The following ROPN1L variants were observed in gnomAD, a reference collection of about 807,000 sequenced individuals.
The protein encoded by ROPN1L is ropporin-1-like protein.
In ROPN1L, 23 loss-of-function variants were observed where a neutral mutation model predicts 22.7. The observed-to-expected ratio is 1.01, with a 90% CI of 0.73 to 1.43. ROPN1L has a LOEUF of 1.43. ROPN1L is among the 40% of genes most tolerant of loss of function. ROPN1L has a pLI of 0.00. For synonymous variants in ROPN1L, 116 were observed against 117.8 expected, an observed-to-expected ratio of 0.98 and a Z score of 0.10; for missense variants, 271 against 291.5, an observed-to-expected ratio of 0.93 and a Z score of 0.51.
the ROPN1L span, among the ~76,000 whole-genome samples, chr5:10,478,591 TCTC>T: frequency 6.6e-6 from 1 of 152,148 alleles, no homozygotes; most frequent in Admixed American, 6.6e-5. Flanking sequence ...CACATGGTCT[TCTC>T]TGTGCGTACG....
downstream of ROPN1L, among the ~76,000 whole-genome samples, chr5:10,468,947 A>G (rs1004834503): frequency 7.9e-5 from 12 of 151,264 alleles, no homozygotes; most frequent in Non-Finnish European, 1.5e-5. Context: ...CGAGGTCAGG[A>G]GATCGAGACC....
rs1164659703 is a variant in ROPN1L, at chr5:10,464,885, T to G, written c.631T>G (p.Phe211Val). 1 of 1,607,622 alleles carries G rather than the reference T, an allele frequency of 6.2e-7. No homozygotes were observed. The highest frequency in any genetic ancestry group is 8.5e-7 in the Non-Finnish European group (1 of 1,177,698). Residue 211 changes from phenylalanine to valine, a missense_variant, in exon 5 of 5, where the codon TTC becomes GTC. Physicochemically the swap from Phe to Val is conservative, Grantham distance 50. Transcript: ENST00000274134. ...RKNGMIGLSD[F>V]FFPKRKLLES... ...GAACGGCATGATAGGTCTTTCAGAT[T>G]TCTTCTTTCCAAAGAGGAAACTTTT... is the stretch of plus-strand genomic sequence containing the variant.
At position 10,448,381 on chromosome 5, in the gene ROPN1L, C is replaced by G. The variant is rs1467711139; in HGVS notation, c.253C>G (p.Gln85Glu). Residue 85 changes from glutamine to glutamate, a missense_variant and splice_region_variant, in exon 2 of 5, where the codon CAG (glutamine) becomes GAG (glutamate). Physicochemically the swap from Gln to Glu is conservative, Grantham distance 29 (BLOSUM62 2). Transcript: ENST00000274134. The part of the protein sequence containing the change: ...TQGLLKVLHK[Q>E]CHHKRYVELT... ...AGGACTCCTGAAAGTTTTGCACAAG[C>G]AGGTATGGGGGGGCGTAGTCTCTGG... is the stretch of plus-strand genomic sequence containing the variant. The G allele has an allele frequency of 3.1e-6, 5 of 1,614,102 alleles. No individual in the cohort carries two copies. Among genetic ancestry groups the G allele is most frequent in the Non-Finnish European group, 4.2e-6 (5 of 1,180,002 alleles).
rs184573645 is a variant in ROPN1L, at chr5:10,455,093, C to T, written c.417+4980C>T. On this transcript the variant is annotated intron_variant, in intron 3 of 4. Coordinates refer to ENST00000274134, the MANE Select transcript of ROPN1L (RefSeq NM_031916.5). ...CTGGAAGGCATTCAACCTCGGCCTC[C>T]TCCTGACAACACACACTTTGGAGCT... is the stretch of plus-strand genomic sequence containing the variant. Among the ~76,000 whole-genome samples the T allele has an allele frequency of 2.4e-4, 36 of 152,328 alleles. 1 individual carries two copies. The East Asian group carries it at 6.8e-3, about 29-fold the overall frequency.
chr5:10,455,013 A>G (rs191366319), intron 3 of ROPN1L, among the ~76,000 whole-genome samples: 1 of 152,358 alleles, frequency 6.6e-6, no homozygotes, highest in Non-Finnish European at 1.5e-5. Flanking sequence ...TCGGAGAAGA[A>G]CAACTCCTCG....
chr5:10,450,626 T>C (rs1424705585), intron 3 of ROPN1L, among the ~76,000 whole-genome samples: 1 of 152,092 alleles, frequency 6.6e-6, no homozygotes, highest in Non-Finnish European at 1.5e-5. Context: ...GCCTCCCGAG[T>C]TGCTGATAGC....
intron 3 of ROPN1L, among the ~76,000 whole-genome samples, chr5:10,460,680 G>A (rs373578224): frequency 1.5e-4 from 23 of 152,308 alleles, no homozygotes; most frequent in African/African-American, 5.5e-4. Context: ...GACAGAGCCC[G>A]GACAGAGCCC....
intron 4 of ROPN1L, among the ~76,000 whole-genome samples, chr5:10,461,915 G>A (rs1471544824): frequency 1.3e-5 from 2 of 152,208 alleles, no homozygotes; most frequent in Non-Finnish European, 2.9e-5. Flanking sequence ...ATGGAGTTGA[G>A]GTACATCCCC....
intron 1 of ROPN1L, 133 bp from the exon 2 acceptor site, chr5:10,448,127 A>G (rs1038691269): frequency 4.3e-5 from 43 of 988,988 alleles, no homozygotes; most frequent in Non-Finnish European, 2.3e-5. Context: ...GAACCAGGAC[A>G]TAAGCCCGGG....
chr5:10,449,810 A>T, intron 2 of ROPN1L, 142 bp from the exon 3 acceptor site: 1 of 648,050 alleles, frequency 1.5e-6, no homozygotes, highest in Non-Finnish European at 2.6e-6. Flanking sequence ...CCCAGGGCTG[A>T]CAGAACCCCC....
chr5:10,468,515 A>ATAGG (rs1216962710), downstream of ROPN1L, among the ~76,000 whole-genome samples: 1 of 152,230 alleles, frequency 6.6e-6, no homozygotes, highest in Non-Finnish European at 1.5e-5. Context: ...TAAAATAGCC[A>ATAGG]TAGGTAGTTG....
chr5:10,463,733 C>A (rs922381120), intron 4 of ROPN1L, among the ~76,000 whole-genome samples: 2 of 152,174 alleles, frequency 1.3e-5, no homozygotes, highest in African/African-American at 2.4e-5. Context: ...CACGCCCTGA[C>A]CCCTGGAGTT....
At chr5:10,445,326 T>A (rs945507808) in intron 1 of ROPN1L, among the ~76,000 whole-genome samples, 3 of 152,180 alleles carry the variant, frequency 2.0e-5, no homozygotes, top group African/African-American at 7.2e-5. Flanking sequence ...CGGCAGTATA[T>A]ATGTAATTGT....
chr5:10,453,378 A>C (rs527610155), intron 3 of ROPN1L, among the ~76,000 whole-genome samples: 8 of 152,202 alleles, frequency 5.3e-5, no homozygotes, highest in African/African-American at 1.9e-4. Context: ...TGGTGTGGAC[A>C]GTTGTGTTGT....
chr5:10,470,353 C>T (rs145026970), intron 4 of ROPN1L, among the ~76,000 whole-genome samples: 338 of 152,356 alleles, frequency 2.2e-3, no homozygotes, highest in Non-Finnish European at 4.0e-3. Flanking sequence ...GGATTAACCC[C>T]CTTTAGAGGG....
intron 3 of ROPN1L, among the ~76,000 whole-genome samples, chr5:10,459,916 G>A (rs1408689349): frequency 1.3e-5 from 2 of 152,242 alleles, no homozygotes; most frequent in Non-Finnish European, 2.9e-5. Context: ...TGGAGGGAAT[G>A]AAGGGCTGTT....
chr5:10,446,044 C>T (rs906024362), intron 1 of ROPN1L, among the ~76,000 whole-genome samples: 1 of 152,222 alleles, frequency 6.6e-6, no homozygotes, highest in Non-Finnish European at 1.5e-5. Flanking sequence ...CCAGCCTCCC[C>T]CTAAGCCTGT....
At position 10,464,106 on chromosome 5, in the gene ROPN1L, T is replaced by C. The variant is rs147797194; in HGVS notation, c.594-742T>C. 5.5e-4 allele frequency among the ~76,000 whole-genome samples: 84 copies of C among 152,304 alleles called. No individual in the cohort carries two copies. In the East Asian group the frequency reaches 0.014, roughly 25 times the overall value. On this transcript the variant is annotated intron_variant, in intron 4 of 4. Transcript: ENST00000274134. ...ACCTGTCCCAGCCGTCCTCGTCTCCTTGTCCCTTCCACATCGTTTCCTCTC... is the reference window on the plus strand; with the variant it reads ...ACCTGTCCCAGCCGTCCTCGTCTCCCTGTCCCTTCCACATCGTTTCCTCTC...
chr5:10,468,679 G>A (rs538946014), downstream of ROPN1L, among the ~76,000 whole-genome samples: 5 of 152,344 alleles, frequency 3.3e-5, no homozygotes, highest in South Asian at 1.0e-3. Flanking sequence ...GTAGCTCTGG[G>A]AGGAGAACAG....
Sources: allele counts gnomAD v4.1 joint callset (sites outside exome capture counted in the v4.1 genomes callset), GRCh38; gene constraint gnomAD v4.1.1; transcripts MANE v1.5; gene names NCBI Gene and HGNC (gene_info 2026-07-23, HGNC 2026-07-21).